Variants in ACOT12 observed in about 807,000 individuals in gnomAD.
ACOT12 encodes acyl-CoA thioesterase 12, also known as acetyl-coenzyme A thioesterase.
A neutral mutation model predicts 67.7 loss-of-function variants in ACOT12; 51 were observed. That is an observed-to-expected ratio of 0.75 (90% CI 0.60 to 0.95). ACOT12 has a LOEUF of 0.95. Ranked by LOEUF, ACOT12 falls within the 40% of genes least tolerant of loss-of-function variation. The pLI is 0.00. For synonymous variants in ACOT12, 251 were observed against 244.6 expected, an observed-to-expected ratio of 1.03 and a Z score of -0.24; for missense variants, 734 against 708.1, an observed-to-expected ratio of 1.04 and a Z score of -0.41.
intron 1 of ACOT12, among the ~76,000 whole-genome samples, chr5:81,386,254 G>A (rs1241831741): frequency 1.3e-5 from 2 of 152,150 alleles, no homozygotes; most frequent in East Asian, 1.9e-4. Context: ...TTTAACCACC[G>A]TAAGCACTTG....
the ACOT12 span, among the ~76,000 whole-genome samples, chr5:81,321,269 G>A: frequency 6.6e-6 from 1 of 152,064 alleles, no homozygotes; most frequent in Non-Finnish European, 1.5e-5. Context: ...CTCAAAAAAA[G>A]AGAAAAGAAA....
chr5:81,356,471 G>T (rs964772573), intron 5 of ACOT12, among the ~76,000 whole-genome samples: 2 of 152,160 alleles, frequency 1.3e-5, no homozygotes, highest in Non-Finnish European at 2.9e-5. Context: ...CCAGCACCCT[G>T]TGGGCTGCAG....
chr5:81,359,917 C>CT lies in ACOT12; in HGVS notation c.481dup (p.Ser161LysfsTer2). ...GATTTACTGACCATCAAATTTGCTA[C>CT]TTTCCTTCATTAAATTGTTAAAGGT... On this transcript the variant is annotated frameshift_variant, in exon 5 of 15. Transcript: ENST00000307624. LOFTEE classifies it high-confidence loss of function. 1 of 1,605,604 alleles carries CT rather than the reference C, an allele frequency of 6.2e-7. No homozygotes were observed. The highest frequency in any genetic ancestry group is 8.5e-7 in the Non-Finnish European group (1 of 1,178,134).
chr5:81,334,558 A>G (rs1758936648), intron 12 of ACOT12, among the ~76,000 whole-genome samples: 4 of 152,242 alleles, frequency 2.6e-5, no homozygotes, highest in Admixed American at 1.3e-4. Context: ...TGCCAATGTA[A>G]CACGTGACCT....
chr5:81,362,470 A>G (rs1024983894), intron 4 of ACOT12, among the ~76,000 whole-genome samples: 5 of 152,088 alleles, frequency 3.3e-5, no homozygotes, highest in Admixed American at 3.3e-4. Context: ...TCGGCCGACT[A>G]TTATATTCTT....
At chr5:81,327,976 C>A (rs1758713928), downstream of ACOT12, among the ~76,000 whole-genome samples, 1 of 152,174 alleles carries the variant, frequency 6.6e-6, no homozygotes, top group South Asian at 2.1e-4. Flanking sequence ...TTGCTTAAAG[C>A]CTGGACATCA....
In ACOT12 at chr5:81,330,375, A is replaced by C. The variant is rs752799749; in HGVS notation, c.*19T>G. The stretch of plus-strand genomic sequence containing the variant: ...ATTAAAAGTGGGAAATTAAATTACC[A>C]GTAATTGAAAGTTGACCTTTAAAAT... On this transcript the variant is annotated 3_prime_UTR_variant, in exon 15 of 15. Transcript: ENST00000307624. 6.2e-7 allele frequency: 1 copy of C among 1,601,430 alleles called. No homozygotes were observed. The highest frequency in any genetic ancestry group is 8.5e-7 in the Non-Finnish European group (1 of 1,172,236).
intron 2 of ACOT12, among the ~76,000 whole-genome samples, chr5:81,373,974 G>A (rs556404154): frequency 6.6e-6 from 1 of 152,296 alleles, no homozygotes; most frequent in East Asian, 1.9e-4. Context: ...CCAGCACAGC[G>A]TCCGAGCTCT....
chr5:81,388,447 G>A (rs564244902), intron 1 of ACOT12, among the ~76,000 whole-genome samples: 46 of 152,330 alleles, frequency 3.0e-4, no homozygotes, highest in African/African-American at 1.1e-3. Flanking sequence ...CATACCAGCA[G>A]AAGTGGAAAA....
At chr5:81,370,639 G>T (rs1467119797) in intron 3 of ACOT12, among the ~76,000 whole-genome samples, 1 of 152,196 alleles carries the variant, frequency 6.6e-6, no homozygotes, top group Non-Finnish European at 1.5e-5. Context: ...CCATGGGAGG[G>T]TAGGAGAGCA....
chr5:81,372,372 T>C (rs1157532468), intron 2 of ACOT12, among the ~76,000 whole-genome samples: 1 of 152,128 alleles, frequency 6.6e-6, no homozygotes, highest in Admixed American at 6.6e-5. Flanking sequence ...TCTAATTCCT[T>C]CCCCTTAGCA....
At chr5:81,381,148 C>T (rs1307021131) in intron 2 of ACOT12, among the ~76,000 whole-genome samples, 1 of 151,790 alleles carries the variant, frequency 6.6e-6, no homozygotes, top group Non-Finnish European at 1.5e-5. Context: ...CTCACTGCAA[C>T]CTCCGCCTCT....
chr5:81,347,339 GGCATCAA>G (rs1335594429), intron 6 of ACOT12, among the ~76,000 whole-genome samples: 3 of 152,052 alleles, frequency 2.0e-5, no homozygotes, highest in African/African-American at 7.2e-5. Context: ...TTGAACTCCT[GGCATCAA>G]GCAATCTTCC....
At chr5:81,323,940 GTA>G in the ACOT12 span, among the ~76,000 whole-genome samples, 3 of 132,520 alleles carry the variant, frequency 2.3e-5, no homozygotes, top group Non-Finnish European at 1.7e-5. Flanking sequence ...ACATATATGT[GTA>G]TATATATATA....
chr5:81,332,435 A>T, intron 13 of ACOT12, 42 bp downstream of exon 13: 1 of 1,604,550 alleles, frequency 6.2e-7, no homozygotes, highest in South Asian at 1.1e-5. Context: ...TCTATCCTAT[A>T]CTATGAAATA....
chr5:81,323,740 T>A, the ACOT12 span, among the ~76,000 whole-genome samples: 6 of 151,670 alleles, frequency 4.0e-5, no homozygotes, highest in African/African-American at 7.3e-5. Context: ...TGTGACATGA[T>A]CAGGTACTGG....
Position 81,345,121 on chromosome 5 carries a change from C to T in ACOT12, c.774-80G>A, listed in dbSNP as rs200850693. ...TCCTTGCACACCGCTGCCACCTCCT[C>T]GCCCACCGCTGCCACCTCCTCTAAG... On this transcript the variant is annotated intron_variant, in intron 7 of 14. Coordinates refer to ENST00000307624, the MANE Select transcript of ACOT12 (RefSeq NM_130767.3). 1.8e-4 allele frequency: 116 copies of T among 633,776 alleles called. No homozygotes were observed. The Middle Eastern group carries it at 2.6e-3, about 14-fold the overall frequency. The allele number at this position is 633,776 out of a possible 1,614,324, so 39.3% of individuals were successfully genotyped here.
At chr5:81,324,586 T>TAG in the ACOT12 span, among the ~76,000 whole-genome samples, 1 of 152,112 alleles carries the variant, frequency 6.6e-6, no homozygotes, top group Non-Finnish European at 1.5e-5. Flanking sequence ...CACTGAGGAA[T>TAG]AGATATAGAG....
chr5:81,317,887 A>AT, the ACOT12 span, among the ~76,000 whole-genome samples: 37,777 of 134,750 alleles, frequency 0.28, 5,747 homozygotes, highest in African/African-American at 0.38. Context: ...TAGGTTCACA[A>AT]TTTTTTTTTT....
Sources: gnomAD v4.1 joint callset for allele counts (sites outside exome capture counted in the v4.1 genomes callset) on GRCh38, gnomAD v4.1.1 for gene constraint, MANE v1.5 for transcripts, NCBI Gene and HGNC (gene_info 2026-07-23, HGNC 2026-07-21) for gene names.